Variants in SIRPA observed in about 807,000 individuals in gnomAD.
SIRPA encodes the protein signal regulatory protein alpha.
Under a neutral mutation model 50.3 loss-of-function variants are expected in SIRPA, and 9 were observed. The observed-to-expected ratio is 0.18, with a 90% confidence interval of 0.11 to 0.31. The LOEUF (loss-of-function observed/expected upper bound fraction) is 0.31. Ranked by LOEUF, SIRPA falls within the 10% of genes least tolerant of loss-of-function variation. The pLI, the probability that SIRPA is intolerant of heterozygous loss-of-function variation, is 1.00. For synonymous variants in SIRPA, 265 were observed against 284.1 expected (o/e 0.93, Z 0.68); for missense variants, 474 against 661.6 (o/e 0.72, Z 3.11).
intron 2 of SIRPA, among the ~76,000 whole-genome samples, chr20:1,918,522 T>C (rs1269546077): frequency 6.6e-6 from 1 of 151,990 alleles, no homozygotes; most frequent in African/African-American, 2.4e-5. Flanking sequence ...ATCAAGGTGT[T>C]ATTTTAAGAT....
chr20:1,937,980 TCCACCA>T lies in SIRPA; in HGVS notation c.*438_*443del, dbSNP rs71193939. ...CCCACCTCCCCTGACCTCCACCACCTCCACCACCACCACCACCACCACCACCACCAC... is the reference window on the plus strand; with the variant it reads ...CCCACCTCCCCTGACCTCCACCACCTCCACCACCACCACCACCACCACCAC... On this transcript the variant is annotated 3_prime_UTR_variant, in exon 8 of 8. Transcript: ENST00000358771. The surrounding 1 kb of genome is among the most constrained non-coding windows in gnomAD (Gnocchi z 8.3). 4.3e-3 allele frequency: 653 copies of T among 153,050 alleles called. 8 individuals carry two copies. Among genetic ancestry groups the T allele is most frequent in the African/African-American group, 0.014 (452 of 32,812 alleles). The allele number at this position is 153,050 out of a possible 1,614,324, so 9.5% of individuals were successfully genotyped here.
chr20:1,906,926 T>C (rs528550988), intron 1 of SIRPA, among the ~76,000 whole-genome samples: 1 of 152,312 alleles, frequency 6.6e-6, no homozygotes, highest in East Asian at 1.9e-4. Flanking sequence ...CCAGCACTTC[T>C]AACCACAGAG....
At position 1,924,283 on chromosome 20, in the gene SIRPA, A is replaced by G. The variant is rs988547399; in HGVS notation, c.1088-481A>G. ...TCAAGAGTCCTGGTTCAGAGCCCCTATGCTAACTCCTGAGCCCAGTGTGCA... is the reference window on the plus strand; with the variant it reads ...TCAAGAGTCCTGGTTCAGAGCCCCTGTGCTAACTCCTGAGCCCAGTGTGCA... On this transcript the variant is annotated intron_variant, in intron 4 of 7. Coordinates refer to ENST00000358771, the MANE Select transcript of SIRPA (RefSeq NM_001040023.2). This position sits in a 1 kb window ranked among gnomAD's most constrained non-coding sequence, Gnocchi z 4.5. Among the ~76,000 whole-genome samples, 9 of 152,160 alleles carry G rather than the reference A, an allele frequency of 5.9e-5. No homozygotes were observed. The highest frequency in any genetic ancestry group is 2.6e-4 in the Admixed American group (4 of 15,288).
chr20:1,936,293 T>C lies in SIRPA; in HGVS notation c.1267-1027T>C, dbSNP rs1986570600. On this transcript the variant is annotated intron_variant, in intron 7 of 7. Transcript: ENST00000358771. The surrounding 1 kb of genome is among the most constrained non-coding windows in gnomAD (Gnocchi z 4.2). ...GATTAGCACATGGGAGGTATCCAAG[T>C]TTGCTAAGTGGTTAATGATTGCGAA... Among the ~76,000 whole-genome samples, 1 of 152,118 alleles carries C rather than the reference T, an allele frequency of 6.6e-6. No homozygotes were observed. Among genetic ancestry groups the C allele is most frequent in the Admixed American group, 6.5e-5 (1 of 15,276 alleles).
Position 1,903,011 on chromosome 20 carries a change from CA to C in SIRPA, c.79+7506del, listed in dbSNP as rs58735842. 2.1e-3 allele frequency among the ~76,000 whole-genome samples: 189 copies of C among 90,880 alleles called. 2 individuals are homozygous for C. The East Asian group carries it at 0.025, about 12-fold the overall frequency. The allele number at this position is 90,880 out of a possible 152,430, so 59.6% of individuals were successfully genotyped here. On this transcript the variant is annotated intron_variant, in intron 1 of 7. Transcript: ENST00000358771. ...TGGGTGACAGAGCAAGACTCTGTCT[CA>C]AAAAAAAAAAAAAAAAAAAAGAAAA...
Position 1,932,109 on chromosome 20 carries a change from C to T in SIRPA, c.1227-2606C>T, listed in dbSNP as rs192194051. 2.0e-5 allele frequency among the ~76,000 whole-genome samples: 3 copies of T among 152,250 alleles called. No individual in the cohort carries two copies. Among genetic ancestry groups the T allele is most frequent in the African/African-American group, 4.8e-5 (2 of 41,536 alleles). On this transcript the variant is annotated intron_variant, in intron 6 of 7. Coordinates refer to ENST00000358771, the MANE Select transcript of SIRPA (RefSeq NM_001040023.2). This position sits in a 1 kb window ranked among gnomAD's most constrained non-coding sequence, Gnocchi z 6.0. ...TCAGCAAATACATATGGACTGCTGA[C>T]GATGTGCCAGCCCAGTTCTTGGTGC...
Position 1,924,430 on chromosome 20 carries a change from C to T in SIRPA, c.1088-334C>T, listed in dbSNP as rs117750043. On this transcript the variant is annotated intron_variant, in intron 4 of 7. Coordinates refer to ENST00000358771, the MANE Select transcript of SIRPA (RefSeq NM_001040023.2). The surrounding 1 kb of genome is among the most constrained non-coding windows in gnomAD (Gnocchi z 4.5). ...AGTGGATCTGGGGTGCCCTCATGACCGCTCTGTGGTTCACTCCAGATGAGA... is the reference window on the plus strand; with the variant it reads ...AGTGGATCTGGGGTGCCCTCATGACTGCTCTGTGGTTCACTCCAGATGAGA... Among the ~76,000 whole-genome samples, 3,243 of 152,306 alleles carry T rather than the reference C, an allele frequency of 0.021. 43 individuals carry two copies. The highest frequency in any genetic ancestry group is 0.029 in the Non-Finnish European group (1,966 of 68,026).
At chr20:1,929,600 T>A (rs1025741484) in intron 6 of SIRPA, among the ~76,000 whole-genome samples, 2 of 152,124 alleles carry the variant, frequency 1.3e-5, no homozygotes, top group Non-Finnish European at 2.9e-5. Context: ...CAAGGTACTC[T>A]TGGGATAAAG....
At position 1,898,074 on chromosome 20, in the gene SIRPA, A is replaced by G. The variant is rs1376163810; in HGVS notation, c.79+2548A>G. Among the ~76,000 whole-genome samples, 1 of 152,200 alleles carries G rather than the reference A, an allele frequency of 6.6e-6. No individual in the cohort carries two copies. The highest frequency in any genetic ancestry group is 1.9e-4 in the East Asian group (1 of 5,186). On this transcript the variant is annotated intron_variant, in intron 1 of 7. Coordinates refer to ENST00000358771, the MANE Select transcript of SIRPA (RefSeq NM_001040023.2). This position sits in a 1 kb window ranked among gnomAD's most constrained non-coding sequence, Gnocchi z 4.3. ...CTGAGTCACCCCCCAGGCCGACCTC[A>G]GATAAACTCCCATTCATTTCTTCTC...
intron 1 of SIRPA, among the ~76,000 whole-genome samples, chr20:1,908,056 A>G (rs1984650761): frequency 6.6e-6 from 1 of 152,180 alleles, no homozygotes; most frequent in East Asian, 1.9e-4. Flanking sequence ...AGCACCTCCT[A>G]TCAAGGGCAC....
chr20:1,910,621 C>T (rs1984832036), intron 1 of SIRPA, among the ~76,000 whole-genome samples: 1 of 152,102 alleles, frequency 6.6e-6, no homozygotes, highest in African/African-American at 2.4e-5. Context: ...AGACTAAATC[C>T]CTGGAGGAGA....
At chr20:1,913,237 C>T (rs138829522) in intron 1 of SIRPA, among the ~76,000 whole-genome samples, 105 of 152,302 alleles carry the variant, frequency 6.9e-4, no homozygotes, top group African/African-American at 2.4e-3. Flanking sequence ...ACTCACCTGC[C>T]ATGAGAACCG....
chr20:1,905,340 C>G (rs553356155), intron 1 of SIRPA, among the ~76,000 whole-genome samples: 40 of 152,324 alleles, frequency 2.6e-4, no homozygotes, highest in African/African-American at 8.9e-4. Flanking sequence ...TGGGGTGGCT[C>G]CAGCCTCCAG....
intron 6 of SIRPA, among the ~76,000 whole-genome samples, chr20:1,930,576 T>C (rs1986246251): frequency 6.6e-6 from 1 of 152,136 alleles, no homozygotes; most frequent in Non-Finnish European, 1.5e-5. Context: ...TTTTTTGTTT[T>C]TTTTGTTGTT....
In SIRPA at chr20:1,921,633, A is replaced by G. The variant is rs373887119; in HGVS notation, c.675A>G (p.Gln225=). The G allele has an allele frequency of 6.2e-7, 1 of 1,614,228 alleles. No individual in the cohort carries two copies. The highest frequency in any genetic ancestry group is 8.5e-7 in the Non-Finnish European group (1 of 1,180,044). The change falls in exon 3 of 8, where the codon CAA becomes CAG. Residue 225 remains glutamine (Q), a synonymous_variant. Transcript: ENST00000358771. ...TGACCCGCGAGGACGTTCACTCTCA[A>G]GTCATCTGCGAGGTGGCCCACGTCA... is the stretch of plus-strand genomic sequence containing the variant. ...VVLTREDVHS[Q]VICEVAHVTL...
intron 2 of SIRPA, among the ~76,000 whole-genome samples, chr20:1,917,546 A>G (rs1157790573): frequency 6.6e-6 from 1 of 152,230 alleles, no homozygotes; most frequent in Non-Finnish European, 1.5e-5. Context: ...TCTTGAAAGA[A>G]AAAACAAAAC....
At position 1,936,738 on chromosome 20, in the gene SIRPA, C is replaced by T. The variant is rs1334874791; in HGVS notation, c.1267-582C>T. 1.3e-5 allele frequency among the ~76,000 whole-genome samples: 2 copies of T among 152,188 alleles called. No homozygotes were observed. The highest frequency in any genetic ancestry group is 2.9e-5 in the Non-Finnish European group (2 of 68,040). On this transcript the variant is annotated intron_variant, in intron 7 of 7. Transcript: ENST00000358771. This position sits in a 1 kb window ranked among gnomAD's most constrained non-coding sequence, Gnocchi z 4.2. ...TGAATATTTGTGGAATAAACGCATA[C>T]ATTAATGAATGTCCCCACACGTACC...
At chr20:1,907,048 T>C (rs1984590948) in intron 1 of SIRPA, among the ~76,000 whole-genome samples, 1 of 152,138 alleles carries the variant, frequency 6.6e-6, no homozygotes. Flanking sequence ...ATAAAGGTCA[T>C]CTGGCCCCAG....
Position 1,924,914 on chromosome 20 carries a change from C to T in SIRPA, c.1201+37C>T, listed in dbSNP as rs757544558. 3 of 1,542,770 alleles carry T rather than the reference C, an allele frequency of 1.9e-6. No individual in the cohort carries two copies. The highest frequency in any genetic ancestry group is 1.4e-5 in the African/African-American group (1 of 73,524). On this transcript the variant is annotated intron_variant, in intron 5 of 7. Coordinates refer to ENST00000358771, the MANE Select transcript of SIRPA (RefSeq NM_001040023.2). The surrounding 1 kb of genome is among the most constrained non-coding windows in gnomAD (Gnocchi z 4.5). The stretch of plus-strand genomic sequence containing the variant: ...CCCCTCTTCCTCCCTAAGGGTTTGT[C>T]CCTGGACTGTCCTCGGAGGGAGACG...
Sources: allele counts gnomAD v4.1 joint callset (sites outside exome capture counted in the v4.1 genomes callset), GRCh38; gene constraint gnomAD v4.1.1; non-coding constraint Gnocchi (gnomAD v3.1); transcripts MANE v1.5; gene names NCBI Gene and HGNC (gene_info 2026-07-23, HGNC 2026-07-21).